The following CAB39L variants were observed in gnomAD, a reference collection of about 807,000 sequenced individuals.
CAB39L encodes the protein calcium binding protein 39 like.
A neutral mutation model predicts 39.1 loss-of-function variants in CAB39L; 23 were observed. The observed-to-expected ratio is 0.59, with a 90% CI of 0.42 to 0.83. The LOEUF (loss-of-function observed/expected upper bound fraction) is 0.83, where lower values mean the gene tolerates loss of function less well. Ranked by LOEUF, CAB39L falls within the 40% of genes least tolerant of loss-of-function variation. CAB39L has a pLI of 0.00. For missense variants in CAB39L, 366 were observed against 391.9 expected, an observed-to-expected ratio of 0.93 and a Z score of 0.56; for synonymous variants, 126 against 137.2, an observed-to-expected ratio of 0.92 and a Z score of 0.57.
chr13:49,443,891 T>A (rs1957596314), intron 1 of CAB39L, 95 bp downstream of exon 1: 1 of 456,360 alleles, frequency 2.2e-6, no homozygotes, highest in African/African-American at 2.0e-5. Context: ...CATTGTTCTC[T>A]CCGGACCCCT....
intron 6 of CAB39L, among the ~76,000 whole-genome samples, chr13:49,355,565 G>T (rs1411218633): frequency 2.0e-5 from 3 of 151,958 alleles, no homozygotes; most frequent in African/African-American, 4.8e-5. Context: ...CAAGTTGGGT[G>T]GCATATCTCG....
At chr13:49,405,276 A>G (rs1341489129) in intron 3 of CAB39L, among the ~76,000 whole-genome samples, 3 of 151,374 alleles carry the variant, frequency 2.0e-5, no homozygotes, top group Admixed American at 6.6e-5. Flanking sequence ...GCAGTAAGAC[A>G]TATTTGAAGG....
intron 1 of CAB39L, among the ~76,000 whole-genome samples, chr13:49,440,508 A>C (rs968839203): frequency 2.0e-5 from 3 of 151,880 alleles, no homozygotes; most frequent in African/African-American, 7.3e-5. Flanking sequence ...GTAGCCTCAA[A>C]GTATAATTTG....
intron 3 of CAB39L, among the ~76,000 whole-genome samples, chr13:49,426,458 G>T (rs1011613281): frequency 6.6e-6 from 1 of 151,750 alleles, no homozygotes; most frequent in East Asian, 1.9e-4. Flanking sequence ...ACGGAGTCTC[G>T]CTGTGTTGTC....
chr13:49,332,182 TGTGA>T lies in CAB39L; in HGVS notation c.691-96_691-93del, dbSNP rs772809655. ...TTCTCACTGAAAAACAAAATATAAA[TGTGA>T]GTAAGAATGGTGTTGTGAAAAAAAT... is the stretch of plus-strand genomic sequence containing the variant. On this transcript the variant is annotated intron_variant, in intron 9 of 10. Transcript: ENST00000409308. 638 of 1,438,466 alleles carry T rather than the reference TGTGA, an allele frequency of 4.4e-4. 1 individual carries two copies. The highest frequency in any genetic ancestry group is 5.8e-4 in the Non-Finnish European group (610 of 1,052,246). 89.1% of individuals were successfully genotyped at this position (1,438,466 alleles called of 1,614,324 possible).
At chr13:49,337,906 C>T (rs1954892188) in intron 9 of CAB39L, among the ~76,000 whole-genome samples, 1 of 152,148 alleles carries the variant, frequency 6.6e-6, no homozygotes, top group Admixed American at 6.5e-5. Context: ...GAATGTGAGG[C>T]CCAGAGCTGT....
intron 10 of CAB39L, among the ~76,000 whole-genome samples, chr13:49,325,940 T>C (rs977428826): frequency 6.6e-6 from 1 of 152,240 alleles, no homozygotes; most frequent in Admixed American, 6.5e-5. Flanking sequence ...CTACATACTT[T>C]TTTGGCTGAA....
intron 3 of CAB39L, among the ~76,000 whole-genome samples, chr13:49,403,260 G>A (rs569833417): frequency 3.1e-4 from 47 of 152,130 alleles, no homozygotes; most frequent in African/African-American, 1.0e-3. Context: ...CCTCAGTAGC[G>A]GAACCAAATT....
rs530171178 is a variant in CAB39L at position 49,355,941 on chromosome 13, T to A, written c.395+3773A>T. On this transcript the variant is annotated intron_variant, in intron 6 of 10. Transcript: ENST00000409308. Reference sequence around the variant, plus strand: ...CTGGTATGAATTATACTTCAGAGTATTCTAACACCTGAAGCTGTGGTGGGT... The same window carrying A: ...CTGGTATGAATTATACTTCAGAGTAATCTAACACCTGAAGCTGTGGTGGGT... 2.0e-5 allele frequency among the ~76,000 whole-genome samples: 3 copies of A among 152,298 alleles called. No homozygotes were observed. In the South Asian group the frequency reaches 6.2e-4, roughly 32 times the overall value.
chr13:49,315,816 C>T (rs968436082), intron 10 of CAB39L, among the ~76,000 whole-genome samples: 6 of 147,390 alleles, frequency 4.1e-5, no homozygotes, highest in South Asian at 2.2e-4. Context: ...ACCCAGAAGG[C>T]GGAGGTTGCA....
At chr13:49,387,603 C>A (rs1217461754) in intron 3 of CAB39L, among the ~76,000 whole-genome samples, 2 of 152,062 alleles carry the variant, frequency 1.3e-5, no homozygotes, top group African/African-American at 4.8e-5. Flanking sequence ...GAATAAACAA[C>A]AAATAGGTTG....
chr13:49,345,475 C>T (rs1335203677), intron 7 of CAB39L, among the ~76,000 whole-genome samples: 12 of 152,102 alleles, frequency 7.9e-5, no homozygotes. Flanking sequence ...CACTCTGGAA[C>T]TGAAGTTCTA....
At chr13:49,390,592 AATTAT>A (rs953328498) in intron 3 of CAB39L, among the ~76,000 whole-genome samples, 92 of 152,348 alleles carry the variant, frequency 6.0e-4, no homozygotes, top group African/African-American at 2.0e-3. Context: ...GGATGGTAAA[AATTAT>A]ATTATATTTA....
rs552041474 is a variant in CAB39L at position 49,312,114 on chromosome 13, C to G, written c.835-1121G>C. On this transcript the variant is annotated intron_variant, in intron 10 of 10. Transcript: ENST00000409308. ...TGACTATGACTGCCAAGGCTGGTCTCGAATTCCTGGTTTCAAACAATCCTT... is the reference window on the plus strand; with the variant it reads ...TGACTATGACTGCCAAGGCTGGTCTGGAATTCCTGGTTTCAAACAATCCTT... Among the ~76,000 whole-genome samples, 12 of 152,286 alleles carry G rather than the reference C, an allele frequency of 7.9e-5. No individual in the cohort carries two copies. In the South Asian group the frequency reaches 2.1e-3, roughly 26 times the overall value.
At chr13:49,370,283 T>C (rs1278432411) in intron 5 of CAB39L, among the ~76,000 whole-genome samples, 1 of 152,182 alleles carries the variant, frequency 6.6e-6, no homozygotes, top group Non-Finnish European at 1.5e-5. Context: ...TAAATTTATA[T>C]ATTACATGAA....
In CAB39L at chr13:49,320,699, A is replaced by G. The variant is rs1348176411; in HGVS notation, c.835-9706T>C. Among the ~76,000 whole-genome samples the G allele has an allele frequency of 2.0e-5, 3 of 152,212 alleles. No homozygotes were observed. The East Asian group carries it at 5.8e-4, about 29-fold the overall frequency. ...TATGCTCCTGTTACGGTTATGTGGA[A>G]GCTACTCCAAGCAAAATCCCACCCC... On this transcript the variant is annotated intron_variant, in intron 10 of 10. Transcript: ENST00000409308.
chr13:49,321,565 C>A (rs1029146024), intron 10 of CAB39L, among the ~76,000 whole-genome samples: 7 of 152,160 alleles, frequency 4.6e-5, no homozygotes, highest in Non-Finnish European at 1.0e-4. Flanking sequence ...GCCTTCCGGG[C>A]TGTGCTGGGT....
intron 10 of CAB39L, among the ~76,000 whole-genome samples, chr13:49,322,877 T>C (rs545685450): frequency 6.6e-5 from 10 of 152,344 alleles, no homozygotes; most frequent in East Asian, 1.9e-4. Context: ...AAATTGGTTT[T>C]ATTTATAGTC....
At position 49,342,732 on chromosome 13, in the gene CAB39L, C is replaced by T. The variant is rs113219108; in HGVS notation, c.624+1447G>A. Among the ~76,000 whole-genome samples, 1,431 of 152,216 alleles carry T rather than the reference C, an allele frequency of 9.4e-3. 8 individuals carry two copies. Among genetic ancestry groups the T allele is most frequent in the South Asian group, 0.042 (202 of 4,820 alleles). On this transcript the variant is annotated intron_variant, in intron 8 of 10. Transcript: ENST00000409308. ...GCATGCTGTCCAACATAGGGCCATA[C>T]GCGGCTACTGAGCACTTGAAATGTG...
Sources: gnomAD v4.1 joint callset for allele counts (sites outside exome capture counted in the v4.1 genomes callset) on GRCh38, gnomAD v4.1.1 for gene constraint, MANE v1.5 for transcripts, NCBI Gene and HGNC (gene_info 2026-07-23, HGNC 2026-07-21) for gene names.